ZNF892: variants seen among roughly 807,000 people sequenced by gnomAD.
ZNF892 encodes zinc finger protein 892.
chr2:95,249,620 T>C, the ZNF892 span, among the ~76,000 whole-genome samples: 1 of 152,118 alleles, frequency 6.6e-6, no homozygotes, highest in Non-Finnish European at 1.5e-5. Flanking sequence ...ATTTGAATCA[T>C]CTCAATATTA....
At chr2:95,220,348 C>CTT in the ZNF892 span, among the ~76,000 whole-genome samples, 1 of 128,510 alleles carries the variant, frequency 7.8e-6, no homozygotes. Context: ...TTTCTTGGGG[C>CTT]TTTTTTTTTT....
chr2:95,214,003 CT>C, the ZNF892 span, among the ~76,000 whole-genome samples: 1 of 152,064 alleles, frequency 6.6e-6, no homozygotes, highest in Non-Finnish European at 1.5e-5. Context: ...CCTCTAGATC[CT>C]TTTTTAAAAA....
At chr2:95,254,811 AGGGTGTAT>A in the ZNF892 span, among the ~76,000 whole-genome samples, 1 of 152,108 alleles carries the variant, frequency 6.6e-6, no homozygotes, top group Non-Finnish European at 1.5e-5. Flanking sequence ...TAGACTTGGG[AGGGTGTAT>A]GTGTCGAAGA....
the ZNF892 span, among the ~76,000 whole-genome samples, chr2:95,242,289 G>A: frequency 1.3e-5 from 2 of 152,150 alleles, no homozygotes; most frequent in East Asian, 1.9e-4. Flanking sequence ...ACTAACAGCC[G>A]ACCTCTCAGC....
chr2:95,235,360 A>G, the ZNF892 span, among the ~76,000 whole-genome samples: 1 of 143,824 alleles, frequency 7.0e-6, no homozygotes, highest in East Asian at 2.0e-4. Context: ...GTTCCAGTAA[A>G]CTTTTTTTTT....
chr2:95,212,317 T>C, the ZNF892 span: 2 of 398,422 alleles, frequency 5.0e-6, no homozygotes, highest in Non-Finnish European at 8.9e-6. Context: ...AAAACCCAGA[T>C]TGTCAATGCA....
At chr2:95,231,046 A>G in the ZNF892 span, among the ~76,000 whole-genome samples, 1 of 152,240 alleles carries the variant, frequency 6.6e-6, no homozygotes, top group East Asian at 1.9e-4. Context: ...ATAATTTCTT[A>G]TAAAGATACC....
chr2:95,239,481 C>T, the ZNF892 span, among the ~76,000 whole-genome samples: 1 of 152,340 alleles, frequency 6.6e-6, no homozygotes, highest in South Asian at 2.1e-4. Flanking sequence ...ATGTGGCAAA[C>T]TTCACTGTTG....
chr2:95,207,448 G>T, the ZNF892 span: 7 of 185,852 alleles, frequency 3.8e-5, no homozygotes, highest in Non-Finnish European at 7.7e-5. Flanking sequence ...GCAGGTGGCC[G>T]CAGGGTCCTC....
At chr2:95,207,230 T>C in the ZNF892 span, among the ~76,000 whole-genome samples, 6 of 152,306 alleles carry the variant, frequency 3.9e-5, no homozygotes, top group South Asian at 1.2e-3. Context: ...GGAAGGATCC[T>C]GCGTAGGTCA....
chr2:95,228,051 G>T, the ZNF892 span, among the ~76,000 whole-genome samples: 1 of 152,192 alleles, frequency 6.6e-6, no homozygotes, highest in African/African-American at 2.4e-5. Flanking sequence ...TTTCCAATCA[G>T]TTGGGACACA....
At chr2:95,233,944 T>G in the ZNF892 span, among the ~76,000 whole-genome samples, 1 of 152,206 alleles carries the variant, frequency 6.6e-6, no homozygotes, top group Admixed American at 6.5e-5. Context: ...CCTCCCAAAG[T>G]GCTGGGATTA....
the ZNF892 span, among the ~76,000 whole-genome samples, chr2:95,227,724 C>T: frequency 5.3e-5 from 8 of 152,138 alleles, no homozygotes; most frequent in African/African-American, 1.9e-4. Context: ...TCAAGCAATT[C>T]TCCTGCCTCA....
At chr2:95,212,055 A>G in the ZNF892 span, 13 of 396,786 alleles carry the variant, frequency 3.3e-5, no homozygotes, top group Non-Finnish European at 5.3e-5. Context: ...ACCCCTATCA[A>G]TCTTCCTACC....
the ZNF892 span, chr2:95,259,494 G>T: frequency 6.6e-6 from 1 of 152,426 alleles, no homozygotes; most frequent in Non-Finnish European, 1.5e-5. Flanking sequence ...CAGCCAAGAA[G>T]TAACCCACTT....
the ZNF892 span, among the ~76,000 whole-genome samples, chr2:95,230,504 T>C: frequency 6.6e-6 from 1 of 152,242 alleles, no homozygotes. Flanking sequence ...AATTCAGTGT[T>C]TTTAAGTTGC....
the ZNF892 span, among the ~76,000 whole-genome samples, chr2:95,252,694 C>T: frequency 1.1e-4 from 17 of 152,230 alleles, no homozygotes; most frequent in South Asian, 8.3e-4. Flanking sequence ...TAGTTTACAG[C>T]CCCACCAACA....
the ZNF892 span, among the ~76,000 whole-genome samples, chr2:95,249,406 AT>A: frequency 6.6e-3 from 876 of 132,464 alleles, 4 homozygotes; most frequent in Middle Eastern, 0.024. Context: ...ACTCCTGGCT[AT>A]TTTTTTTTTT....
At chr2:95,238,478 A>G in the ZNF892 span, among the ~76,000 whole-genome samples, 1 of 152,336 alleles carries the variant, frequency 6.6e-6, no homozygotes, top group Admixed American at 6.5e-5. Flanking sequence ...TCTGATAGAG[A>G]TGCACAAGGA....
Sources: gnomAD v4.1 joint callset for allele counts (sites outside exome capture counted in the v4.1 genomes callset) on GRCh38, gnomAD v4.1.1 for gene constraint, MANE v1.5 for transcripts, NCBI Gene and HGNC (gene_info 2026-07-23, HGNC 2026-07-21) for gene names.